PDE7B: variants seen among roughly 807,000 people sequenced by gnomAD.
The protein encoded by PDE7B is 3',5'-cyclic-AMP phosphodiesterase 7B.
A neutral mutation model predicts 56.2 loss-of-function variants in PDE7B; 29 were observed. That is an observed-to-expected ratio of 0.52 (90% CI 0.38 to 0.70). The LOEUF (loss-of-function observed/expected upper bound fraction) is 0.70. Ranked by LOEUF, PDE7B falls within the 30% of genes least tolerant of loss-of-function variation. The pLI, the probability that PDE7B is intolerant of heterozygous loss-of-function variation, is 0.00. For synonymous variants in PDE7B, 197 were observed against 196.9 expected, an observed-to-expected ratio of 1.00 and a Z score of 0.00; for missense variants, 490 against 565.0, an observed-to-expected ratio of 0.87 and a Z score of 1.35.
chr6:136,183,072 C>CAAAAAAAAAAAAAA (rs869296450), intron 11 of PDE7B, among the ~76,000 whole-genome samples: 2 of 50,536 alleles, frequency 4.0e-5, no homozygotes, highest in African/African-American at 1.4e-4. Context: ...ACTCCGTCTC[C>CAAAAAAAAAAAAAA]AAAAAAAAAA....
intron 1 of PDE7B, among the ~76,000 whole-genome samples, chr6:135,865,951 G>A (rs1775252493): frequency 2.6e-5 from 4 of 152,070 alleles, no homozygotes; most frequent in Admixed American, 2.6e-4. Context: ...AACACATATA[G>A]TATTAAAAGA....
intron 1 of PDE7B, among the ~76,000 whole-genome samples, chr6:135,881,844 T>G (rs2128188856): frequency 6.6e-6 from 1 of 152,300 alleles, no homozygotes; most frequent in East Asian, 1.9e-4. Context: ...ATAACTGAAA[T>G]AACTGTACAA....
chr6:135,854,459 T>C (rs927842278), intron 1 of PDE7B, among the ~76,000 whole-genome samples: 4 of 152,340 alleles, frequency 2.6e-5, no homozygotes, highest in South Asian at 2.1e-4. Context: ...CACTATCTTA[T>C]GGATTCAGCT....
At chr6:136,028,919 A>G in intron 2 of PDE7B, among the ~76,000 whole-genome samples, 1 of 152,168 alleles carries the variant, frequency 6.6e-6, no homozygotes, top group East Asian at 1.9e-4. Context: ...TACTATACAT[A>G]ATGTCAGATG....
intron 1 of PDE7B, among the ~76,000 whole-genome samples, chr6:135,888,318 C>A (rs540728401): frequency 1.3e-5 from 2 of 152,090 alleles, no homozygotes; most frequent in Non-Finnish European, 2.9e-5. Flanking sequence ...CCAGATCTAA[C>A]GGCAAATCTA....
chr6:136,138,964 AT>A (rs1208861196), intron 3 of PDE7B, among the ~76,000 whole-genome samples: 1 of 152,034 alleles, frequency 6.6e-6, no homozygotes, highest in African/African-American at 2.4e-5. Flanking sequence ...TAATTACTGG[AT>A]TTTTTTGTTG....
At chr6:135,855,863 C>T (rs745807808) in intron 1 of PDE7B, among the ~76,000 whole-genome samples, 1 of 152,168 alleles carries the variant, frequency 6.6e-6, no homozygotes, top group Non-Finnish European at 1.5e-5. Context: ...GAAATTACCT[C>T]AGTGTCAGGA....
At chr6:136,031,210 C>T (rs1297491087) in intron 2 of PDE7B, among the ~76,000 whole-genome samples, 5 of 152,210 alleles carry the variant, frequency 3.3e-5, no homozygotes, top group Non-Finnish European at 7.3e-5. Context: ...ATCCTTGCCA[C>T]ATGGTTATAC....
intron 1 of PDE7B, among the ~76,000 whole-genome samples, chr6:135,920,985 G>C (rs931266101): frequency 1.3e-5 from 2 of 152,134 alleles, no homozygotes; most frequent in East Asian, 3.8e-4. Flanking sequence ...GGAGGTGCCA[G>C]CAAAGTTCCT....
chr6:135,897,918 A>G (rs1157424273), intron 1 of PDE7B, among the ~76,000 whole-genome samples: 2 of 152,148 alleles, frequency 1.3e-5, no homozygotes, highest in East Asian at 3.9e-4. Flanking sequence ...CTTTTCCTTG[A>G]GCTTCTTGCG....
At chr6:136,088,551 GAAGTC>G (rs1272013074) in intron 2 of PDE7B, among the ~76,000 whole-genome samples, 5 of 152,162 alleles carry the variant, frequency 3.3e-5, no homozygotes, top group Non-Finnish European at 5.9e-5. Flanking sequence ...AATAGGATTA[GAAGTC>G]AAGTGGACAA....
At chr6:136,038,322 C>G (rs1248752480) in intron 2 of PDE7B, 1 of 1,292,942 alleles carries the variant, frequency 7.7e-7, no homozygotes, top group South Asian at 1.2e-5. Flanking sequence ...TTCCACCCAG[C>G]AGAGCTAGGC....
chr6:136,001,256 A>G (rs201429457), intron 2 of PDE7B, among the ~76,000 whole-genome samples: 14 of 150,740 alleles, frequency 9.3e-5, no homozygotes, highest in South Asian at 6.3e-4. Context: ...GGGAGAAAAC[A>G]GAGCAGAAAA....
chr6:136,077,814 T>C (rs1210558788), intron 2 of PDE7B, among the ~76,000 whole-genome samples: 1 of 152,200 alleles, frequency 6.6e-6, no homozygotes, highest in Admixed American at 6.5e-5. Context: ...TTTTGTTGTT[T>C]ATGGAAAAGC....
At chr6:136,051,852 C>G (rs1776635819) in intron 2 of PDE7B, among the ~76,000 whole-genome samples, 1 of 152,148 alleles carries the variant, frequency 6.6e-6, no homozygotes, top group Non-Finnish European at 1.5e-5. Flanking sequence ...CAACAATATA[C>G]TTACGGGCTG....
chr6:135,962,142 A>G (rs1165160151), intron 2 of PDE7B, among the ~76,000 whole-genome samples: 1 of 152,194 alleles, frequency 6.6e-6, no homozygotes. Flanking sequence ...GCCCTAAAAA[A>G]ACCAAAGACT....
chr6:136,004,201 C>T (rs1428882436), intron 2 of PDE7B, among the ~76,000 whole-genome samples: 1 of 152,144 alleles, frequency 6.6e-6, no homozygotes, highest in Non-Finnish European at 1.5e-5. Flanking sequence ...TGGGACATAT[C>T]TCAAAATAGT....
At chr6:135,912,259 C>A (rs1366588287) in intron 1 of PDE7B, among the ~76,000 whole-genome samples, 1 of 151,728 alleles carries the variant, frequency 6.6e-6, no homozygotes, top group Non-Finnish European at 1.5e-5. Context: ...GCAGATTCAA[C>A]CATGGCAAAA....
At position 136,195,348 on chromosome 6, in the gene PDE7B, A is replaced by G. The variant is rs1032950297; in HGVS notation, c.*3508A>G. ...TTCTCGTGTTGAATCAGATCTGCTT[A>G]CTTATTTAGGTTTGGTTATGAGCTT... On this transcript the variant is annotated 3_prime_UTR_variant, in exon 13 of 13. Coordinates refer to ENST00000308191, the MANE Select transcript of PDE7B (RefSeq NM_018945.4). 1 of 150,888 alleles carries G rather than the reference A, an allele frequency of 6.6e-6. No homozygotes were observed. The highest frequency in any genetic ancestry group is 2.5e-5 in the African/African-American group (1 of 40,800). The allele number at this position is 150,888 out of a possible 1,614,324, so 9.3% of individuals were successfully genotyped here.
Sources: allele counts gnomAD v4.1 joint callset (sites outside exome capture counted in the v4.1 genomes callset), GRCh38; gene constraint gnomAD v4.1.1; transcripts MANE v1.5; gene names NCBI Gene and HGNC (gene_info 2026-07-23, HGNC 2026-07-21).